Variants in MAGI2 observed in about 807,000 individuals in gnomAD.
MAGI2 encodes membrane-associated guanylate kinase, WW and PDZ domain-containing protein 2.
A neutral mutation model predicts 133.3 loss-of-function variants in MAGI2; 35 were observed. That is an observed-to-expected ratio of 0.26 (90% confidence interval 0.20 to 0.35). The LOEUF is 0.35. Among genes scored for constraint, MAGI2 ranks in the 10% least tolerant of loss-of-function variants. MAGI2 has a pLI of 1.00. For synonymous variants in MAGI2, 729 were observed against 710.6 expected, an observed-to-expected ratio of 1.03 and a Z score of -0.41; for missense variants, 1,636 against 1,863.4, an observed-to-expected ratio of 0.88 and a Z score of 2.25.
chr7:78,385,264 C>T (rs1310957487), intron 6 of MAGI2, among the ~76,000 whole-genome samples: 4 of 152,166 alleles, frequency 2.6e-5, no homozygotes, highest in Non-Finnish European at 5.9e-5. Flanking sequence ...AGGAAAACTT[C>T]CACATTTTTA....
chr7:78,256,459 G>T lies in MAGI2; in HGVS notation c.1531C>A (p.Pro511Thr). ...SVNLVLCRGYPLPFDPEDPAN... is the reference protein window; with the variant it reads ...SVNLVLCRGYTLPFDPEDPAN... The stretch of plus-strand genomic sequence containing the variant: ...GGGTCTTCAGGATCAAAGGGCAAAG[G>T]GTAGCCACGACACAACACCAGGTTG... The change falls in exon 10 of 22, where the codon CCT becomes ACT. Residue 511 changes from proline to threonine, a missense_variant. This residue lies in a region of MAGI2 where 920 missense variants were observed against 1,093.5 expected (regional missense o/e 0.84). Transcript: ENST00000354212. 1 of 1,613,840 alleles carries T rather than the reference G, an allele frequency of 6.2e-7. No individual in the cohort carries two copies. The highest frequency in any genetic ancestry group is 8.5e-7 in the Non-Finnish European group (1 of 1,179,936).
chr7:79,028,263 ATATATGTATGTATG>A (rs1810157889), intron 1 of MAGI2, among the ~76,000 whole-genome samples: 2 of 23,084 alleles, frequency 8.7e-5, no homozygotes, highest in African/African-American at 2.4e-4. Context: ...ATATATATAT[ATATATGTATGTATG>A]TATATATATA....
intron 6 of MAGI2, among the ~76,000 whole-genome samples, chr7:78,488,530 T>C (rs560652097): frequency 7.4e-6 from 1 of 135,222 alleles, no homozygotes; most frequent in African/African-American, 3.0e-5. Flanking sequence ...ATTTTCAGAC[T>C]ATCACATTTT....
rs1470171767 is a variant in MAGI2, at chr7:78,593,133, TTTC to T, written c.538+33984_538+33986del. Reference sequence around the variant, plus strand: ...ACCGCACCTGGCCCCTGATTTTTTTTTTCTTTCTTTTTTTTAAAGCAATTAGAT... The same window carrying T: ...ACCGCACCTGGCCCCTGATTTTTTTTTTTCTTTTTTTTAAAGCAATTAGAT... On this transcript the variant is annotated intron_variant, in intron 3 of 21. Transcript: ENST00000354212. Among the ~76,000 whole-genome samples the T allele has an allele frequency of 5.3e-5, 8 of 150,450 alleles. No homozygotes were observed. In the East Asian group the frequency reaches 5.8e-4, roughly 11 times the overall value.
Position 78,848,050 on chromosome 7 carries a change from G to T in MAGI2, c.418+159040C>A, listed in dbSNP as rs180676262. Among the ~76,000 whole-genome samples, 3 of 151,930 alleles carry T rather than the reference G, an allele frequency of 2.0e-5. No individual in the cohort carries two copies. The East Asian group carries it at 5.8e-4, about 30-fold the overall frequency. On this transcript the variant is annotated intron_variant, in intron 2 of 21. Coordinates refer to ENST00000354212, the MANE Select transcript of MAGI2 (RefSeq NM_012301.4). ...CTAGGTGATTTCATCCAATGTCACGGCTTTAAATGGAATCTGTAACTCCCA... is the reference window on the plus strand; with the variant it reads ...CTAGGTGATTTCATCCAATGTCACGTCTTTAAATGGAATCTGTAACTCCCA...
chr7:78,308,558 G>T (rs947191033), intron 9 of MAGI2, among the ~76,000 whole-genome samples: 4 of 151,706 alleles, frequency 2.6e-5, no homozygotes, highest in Non-Finnish European at 5.9e-5. Context: ...TCTGGAAAGG[G>T]ATGGAGGCAC....
At chr7:78,026,553 T>C (rs1808937765) in intron 21 of MAGI2, among the ~76,000 whole-genome samples, 1 of 152,230 alleles carries the variant, frequency 6.6e-6, no homozygotes, top group South Asian at 2.1e-4. Flanking sequence ...CAAATTATAA[T>C]GGTTCATTTG....
intron 2 of MAGI2, among the ~76,000 whole-genome samples, chr7:78,968,739 A>G (rs1803534100): frequency 6.6e-6 from 1 of 152,064 alleles, no homozygotes; most frequent in Non-Finnish European, 1.5e-5. Context: ...ATTAAGCACT[A>G]TAAATCCAAT....
chr7:78,704,921 AG>A (rs1435009421), intron 2 of MAGI2, among the ~76,000 whole-genome samples: 1 of 151,874 alleles, frequency 6.6e-6, no homozygotes, highest in East Asian at 1.9e-4. Context: ...CAAATACTGC[AG>A]GTTCTCACTT....
intron 1 of MAGI2, among the ~76,000 whole-genome samples, chr7:79,429,594 C>T (rs1488363700): frequency 2.6e-5 from 4 of 151,910 alleles, no homozygotes; most frequent in Non-Finnish European, 4.4e-5. Flanking sequence ...CATGAGCTAC[C>T]GCATCCAGCC....
At chr7:79,138,036 T>A (rs1427881215) in intron 1 of MAGI2, among the ~76,000 whole-genome samples, 1 of 152,120 alleles carries the variant, frequency 6.6e-6, no homozygotes, top group Non-Finnish European at 1.5e-5. Flanking sequence ...GGCCAAGTAA[T>A]GTAGGTGGCC....
chr7:78,468,004 G>C (rs111305877), intron 6 of MAGI2, among the ~76,000 whole-genome samples: 10 of 152,084 alleles, frequency 6.6e-5, no homozygotes, highest in African/African-American at 2.2e-4. Context: ...GACAGAAGTG[G>C]AGGGAAAAGT....
chr7:78,331,723 G>A (rs1789219265), intron 9 of MAGI2, among the ~76,000 whole-genome samples: 1 of 152,038 alleles, frequency 6.6e-6, no homozygotes, highest in Non-Finnish European at 1.5e-5. Flanking sequence ...ATACCCAGTA[G>A]CATACTCTGG....
intron 9 of MAGI2, among the ~76,000 whole-genome samples, chr7:78,309,777 G>A (rs1178454143): frequency 1.3e-5 from 2 of 152,124 alleles, no homozygotes; most frequent in Non-Finnish European, 1.5e-5. Flanking sequence ...CTGGCTTTCC[G>A]GCTTCCTGGC....
chr7:78,215,982 A>G (rs113112253), intron 10 of MAGI2, among the ~76,000 whole-genome samples: 2 of 152,176 alleles, frequency 1.3e-5, no homozygotes, highest in African/African-American at 4.8e-5. Flanking sequence ...AAACATGCTA[A>G]TCTCTTTCCC....
In MAGI2 at chr7:79,194,396, C is replaced by T. The variant is rs550484964; in HGVS notation, c.302-187190G>A. Among the ~76,000 whole-genome samples the T allele has an allele frequency of 2.0e-5, 3 of 152,004 alleles. No homozygotes were observed. In the South Asian group the frequency reaches 6.2e-4, roughly 32 times the overall value. ...TTTTTTCATTTAGTGATTATTCTCA[C>T]AAGCAATCATAAATGTAACAACTGT... is the stretch of plus-strand genomic sequence containing the variant. On this transcript the variant is annotated intron_variant, in intron 1 of 21. Coordinates refer to ENST00000354212, the MANE Select transcript of MAGI2 (RefSeq NM_012301.4).
At chr7:79,297,766 T>C (rs1837054772) in intron 1 of MAGI2, among the ~76,000 whole-genome samples, 2 of 152,190 alleles carry the variant, frequency 1.3e-5, no homozygotes, top group Admixed American at 1.3e-4. Context: ...GAAGACCTCT[T>C]TGAGCAGCAA....
At chr7:78,317,583 T>C (rs1161727463) in intron 9 of MAGI2, among the ~76,000 whole-genome samples, 4 of 152,254 alleles carry the variant, frequency 2.6e-5, no homozygotes, top group African/African-American at 9.6e-5. Context: ...TAAACGTCTC[T>C]GTATGATGGC....
chr7:79,386,683 C>T (rs1844204848), intron 1 of MAGI2, among the ~76,000 whole-genome samples: 1 of 152,026 alleles, frequency 6.6e-6, no homozygotes, highest in Admixed American at 6.6e-5. Context: ...AGGACAATTC[C>T]ACTCCTTTAC....
Sources: allele counts gnomAD v4.1 joint callset (sites outside exome capture counted in the v4.1 genomes callset), GRCh38; gene constraint gnomAD v4.1.1; regional missense constraint gnomAD v4.1.1; transcripts MANE v1.5; gene names NCBI Gene and HGNC (gene_info 2026-07-23, HGNC 2026-07-21).